Variants in MMP26 observed in about 807,000 individuals in gnomAD.
MMP26 encodes matrix metallopeptidase 26, also known as matrix metalloproteinase-26.
Under a neutral mutation model 31.0 loss-of-function variants are expected in MMP26, and 33 were observed. That is an observed-to-expected ratio of 1.06 (90% CI 0.81 to 1.42). The LOEUF (loss-of-function observed/expected upper bound fraction) is 1.42, where lower values mean the gene tolerates loss of function less well. Among genes scored for constraint, MMP26 ranks in the 40% most tolerant of loss-of-function variants. MMP26 has a pLI of 0.00. For missense variants in MMP26, 347 were observed against 316.1 expected, an observed-to-expected ratio of 1.10 and a Z score of -0.74; for synonymous variants, 122 against 114.9, an observed-to-expected ratio of 1.06 and a Z score of -0.40.
At chr11:4,930,201 G>T (rs1484954391) in intron 2 of MMP26, among the ~76,000 whole-genome samples, 1 of 152,028 alleles carries the variant, frequency 6.6e-6, no homozygotes, top group Non-Finnish European at 1.5e-5. Flanking sequence ...AGATTCTAAA[G>T]ATAATTGAGT....
At position 4,949,817 on chromosome 11, in the gene MMP26, G is replaced by C. The variant is rs1846353590; in HGVS notation, c.-144-38251G>C. ...AATTTAACAAAACTGAAAGAATAAAGAGATAAAACACTAAACTTATTTTAA... is the reference window on the plus strand; with the variant it reads ...AATTTAACAAAACTGAAAGAATAAACAGATAAAACACTAAACTTATTTTAA... On this transcript the variant is annotated intron_variant, in intron 2 of 7. Transcript: ENST00000380390. Among the ~76,000 whole-genome samples the C allele has an allele frequency of 2.0e-5, 2 of 99,706 alleles. 1 individual carries two copies. Among genetic ancestry groups the C allele is most frequent in the Non-Finnish European group, 4.8e-5 (2 of 41,916 alleles). 65.4% of individuals were successfully genotyped at this position (99,706 alleles called of 152,430 possible).
intron 2 of MMP26, among the ~76,000 whole-genome samples, chr11:4,816,553 C>G (rs999759572): frequency 6.6e-6 from 1 of 150,480 alleles, no homozygotes; most frequent in Admixed American, 6.6e-5. Context: ...TCAGACAAAA[C>G]GAAAGATAAT....
intron 2 of MMP26, chr11:4,915,582 T>A: frequency 6.2e-7 from 1 of 1,614,046 alleles, no homozygotes; most frequent in South Asian, 1.1e-5. Flanking sequence ...CAGATGTGCA[T>A]GCGCTCCAGC....
chr11:4,708,362 AAC>A (rs1444663424), intron 1 of MMP26, among the ~76,000 whole-genome samples: 3 of 152,130 alleles, frequency 2.0e-5, no homozygotes, highest in African/African-American at 7.2e-5. Context: ...TGCCCTCTTG[AAC>A]ACACTTCCTG....
At chr11:4,863,329 T>C (rs1238568518) in intron 2 of MMP26, among the ~76,000 whole-genome samples, 2 of 152,104 alleles carry the variant, frequency 1.3e-5, no homozygotes, top group Admixed American at 1.3e-4. Context: ...ATGAAATTCT[T>C]ATGCATTCTT....
intron 2 of MMP26, chr11:4,881,899 C>T (rs1850469182): frequency 1.2e-6 from 2 of 1,609,840 alleles, no homozygotes. Flanking sequence ...TTCAACCAAC[C>T]ATGGCAATAT....
At chr11:4,720,196 C>T (rs753893779) in intron 1 of MMP26, among the ~76,000 whole-genome samples, 4 of 152,182 alleles carry the variant, frequency 2.6e-5, no homozygotes, top group South Asian at 2.1e-4. Flanking sequence ...GGGAAGATGT[C>T]GAGCATAAGC....
In MMP26 at chr11:4,991,923, G is replaced by A. The variant is rs764628042; in HGVS notation, c.596-41G>A. 89 of 1,495,210 alleles carry A rather than the reference G, an allele frequency of 6.0e-5. 2 individuals are homozygous for A. The highest frequency in any genetic ancestry group is 8.0e-5 in the Non-Finnish European group (89 of 1,118,126). 92.6% of individuals were successfully genotyped at this position (1,495,210 alleles called of 1,614,324 possible). ...TTCACACACTTTCAGCATTCCCTAT[G>A]CATAGTTAATTTTATCTTTTTTTTT... On this transcript the variant is annotated intron_variant, in intron 6 of 7. Transcript: ENST00000380390.
intron 1 of MMP26, among the ~76,000 whole-genome samples, chr11:4,715,697 G>A (rs1002726039): frequency 2.0e-5 from 3 of 152,152 alleles, no homozygotes; most frequent in Admixed American, 6.5e-5. Flanking sequence ...AACCTATAAA[G>A]ATTTGGAGAC....
intron 2 of MMP26, among the ~76,000 whole-genome samples, chr11:4,905,322 G>C (rs1237514432): frequency 1.3e-5 from 2 of 152,138 alleles, no homozygotes; most frequent in Non-Finnish European, 2.9e-5. Context: ...TTTCCATGTA[G>C]AAGATGCAGA....
At chr11:4,969,133 A>G (rs920284179) in intron 2 of MMP26, among the ~76,000 whole-genome samples, 2 of 152,026 alleles carry the variant, frequency 1.3e-5, no homozygotes, top group African/African-American at 2.4e-5. Context: ...GTGAATTGTC[A>G]TAAGCCCAGA....
intron 2 of MMP26, among the ~76,000 whole-genome samples, chr11:4,880,162 G>A (rs1317031761): frequency 6.6e-6 from 1 of 152,022 alleles, no homozygotes; most frequent in African/African-American, 2.4e-5. Context: ...AATCAAGAAT[G>A]CTCCCCATTG....
intron 1 of MMP26, among the ~76,000 whole-genome samples, chr11:4,765,436 G>C (rs2133414515): frequency 6.6e-6 from 1 of 152,168 alleles, no homozygotes; most frequent in East Asian, 1.9e-4. Context: ...CTCTATTCTT[G>C]CCTTCTTTTT....
intron 1 of MMP26, among the ~76,000 whole-genome samples, chr11:4,715,746 A>G (rs1847921648): frequency 1.3e-5 from 2 of 152,200 alleles, no homozygotes. Context: ...GAATTCTAAA[A>G]GGGCTCTAAA....
rs1392591750 is a variant in MMP26, at chr11:4,898,870, T to TGA, written c.-144-89197_-144-89196insAG. 2.3e-3 allele frequency among the ~76,000 whole-genome samples: 339 copies of TGA among 144,494 alleles called. 1 individual carries two copies. The highest frequency in any genetic ancestry group is 6.4e-3 in the African/African-American group (243 of 37,846). 94.8% of individuals were successfully genotyped at this position (144,494 alleles called of 152,430 possible). ...GTGTGTGTGTGTGTGTGTGTGTGTGTGTGTGTTCTTTCAAGAAAAACAACT... is the reference window on the plus strand; with the variant it reads ...GTGTGTGTGTGTGTGTGTGTGTGTGTGAGTGTGTTCTTTCAAGAAAAACAACT... On this transcript the variant is annotated intron_variant, in intron 2 of 7. Coordinates refer to ENST00000380390, the MANE Select transcript of MMP26 (RefSeq NM_021801.5).
At chr11:4,816,440 G>A (rs1327202901) in intron 2 of MMP26, among the ~76,000 whole-genome samples, 2 of 151,874 alleles carry the variant, frequency 1.3e-5, no homozygotes, top group African/African-American at 2.4e-5. Flanking sequence ...TTTGTTCATT[G>A]CTGAAAGTAG....
chr11:4,873,757 A>C (rs566036357), intron 2 of MMP26, among the ~76,000 whole-genome samples: 43 of 152,102 alleles, frequency 2.8e-4, no homozygotes, highest in African/African-American at 1.0e-3. Flanking sequence ...GTGCTCTATC[A>C]ATATTCCAAA....
chr11:4,867,606 G>A (rs1259095952), intron 2 of MMP26, among the ~76,000 whole-genome samples: 1 of 151,880 alleles, frequency 6.6e-6, no homozygotes, highest in Non-Finnish European at 1.5e-5. Flanking sequence ...GGCTAAGCTG[G>A]TCTCAAATTC....
chr11:4,874,727 A>G (rs1850356931), intron 2 of MMP26, among the ~76,000 whole-genome samples: 1 of 152,090 alleles, frequency 6.6e-6, no homozygotes, highest in South Asian at 2.1e-4. Context: ...AAAGGTGATT[A>G]GCTCAGCTGC....
Sources: allele counts gnomAD v4.1 joint callset (sites outside exome capture counted in the v4.1 genomes callset), GRCh38; gene constraint gnomAD v4.1.1; transcripts MANE v1.5; gene names NCBI Gene and HGNC (gene_info 2026-07-23, HGNC 2026-07-21).